Variants in CCNY observed in about 807,000 individuals in gnomAD.
The protein encoded by CCNY is cyclin-Y.
A neutral mutation model predicts 42.8 loss-of-function variants in CCNY; 19 were observed. That is an observed-to-expected ratio of 0.44 (90% CI 0.31 to 0.65). The LOEUF (loss-of-function observed/expected upper bound fraction) is 0.65, where lower values mean the gene tolerates loss of function less well. Among genes scored for constraint, CCNY ranks in the 30% least tolerant of loss-of-function variants. The pLI is 0.07. For synonymous variants in CCNY, 165 were observed against 162.7 expected (o/e 1.01, Z -0.11); for missense variants, 370 against 437.3 (o/e 0.85, Z 1.37).
chr10:35,359,465 A>T (rs1288551563), intron 1 of CCNY, among the ~76,000 whole-genome samples: 1 of 152,054 alleles, frequency 6.6e-6, no homozygotes, highest in Non-Finnish European at 1.5e-5. Flanking sequence ...ATAATATAAC[A>T]TCAAATTTAC....
chr10:35,347,166 C>T (rs1836324392), intron 1 of CCNY, among the ~76,000 whole-genome samples: 1 of 152,176 alleles, frequency 6.6e-6, no homozygotes, highest in South Asian at 2.1e-4. Context: ...GACACATTGT[C>T]CCGTACTGGG....
chr10:35,540,835 C>CT (rs1353258984), intron 7 of CCNY, among the ~76,000 whole-genome samples: 5 of 151,964 alleles, frequency 3.3e-5, no homozygotes, highest in African/African-American at 4.8e-5. Context: ...CTTTATGATT[C>CT]TTTTTATTTC....
chr10:35,503,900 A>T (rs1347842602), intron 3 of CCNY, among the ~76,000 whole-genome samples: 1 of 152,234 alleles, frequency 6.6e-6, no homozygotes. Flanking sequence ...TAGCTTGCTT[A>T]TCTGAACTTA....
intron 5 of CCNY, among the ~76,000 whole-genome samples, chr10:35,526,563 T>A (rs1564446276): frequency 1.3e-5 from 2 of 152,174 alleles, no homozygotes; most frequent in Non-Finnish European, 2.9e-5. Context: ...TGCCAGTTTT[T>A]AAAAATGCAA....
chr10:35,387,796 C>T (rs1837329928), intron 1 of CCNY, among the ~76,000 whole-genome samples: 1 of 152,182 alleles, frequency 6.6e-6, no homozygotes, highest in Admixed American at 6.5e-5. Flanking sequence ...AACTCACTGC[C>T]AAGATCCACG....
At chr10:35,535,304 A>G (rs1840862123) in intron 7 of CCNY, among the ~76,000 whole-genome samples, 2 of 151,976 alleles carry the variant, frequency 1.3e-5, no homozygotes, top group African/African-American at 4.8e-5. Context: ...TAGTCTCTAG[A>G]TGTTCCAGTA....
chr10:35,411,615 A>G (rs1837907497), intron 1 of CCNY, among the ~76,000 whole-genome samples: 1 of 151,846 alleles, frequency 6.6e-6, no homozygotes, highest in Non-Finnish European at 1.5e-5. Flanking sequence ...GGATAAAGGC[A>G]TAGGAATTTG....
intron 3 of CCNY, among the ~76,000 whole-genome samples, chr10:35,292,768 G>A (rs1283038830): frequency 2.7e-5 from 4 of 148,404 alleles, no homozygotes; most frequent in Non-Finnish European, 5.9e-5. Context: ...TCCTGTAAGA[G>A]TGCTTTGTTT....
In CCNY at chr10:35,458,584, C is replaced by T. The variant is rs762357201; in HGVS notation, c.155-24820C>T. 3.3e-5 allele frequency among the ~76,000 whole-genome samples: 5 copies of T among 152,320 alleles called. No individual in the cohort carries two copies. The East Asian group carries it at 5.8e-4, about 18-fold the overall frequency. On this transcript the variant is annotated intron_variant, in intron 1 of 9. Transcript: ENST00000374704. Reference sequence around the variant, plus strand: ...AGGATTTTGCAGTGAACAAAGGAGACGGTCCCTTTCCTCAGAAATTACATT... The same window carrying T: ...AGGATTTTGCAGTGAACAAAGGAGATGGTCCCTTTCCTCAGAAATTACATT...
intron 2 of CCNY, among the ~76,000 whole-genome samples, chr10:35,486,605 A>C (rs894586729): frequency 3.3e-5 from 5 of 152,174 alleles, no homozygotes; most frequent in African/African-American, 1.2e-4. Flanking sequence ...CGATTGTGCC[A>C]CTGGCTTCCT....
chr10:35,342,610 T>A (rs950098218), intron 1 of CCNY, among the ~76,000 whole-genome samples: 4 of 152,230 alleles, frequency 2.6e-5, no homozygotes, highest in African/African-American at 7.2e-5. Context: ...TGTAGTTTCT[T>A]GCCCAGGTCA....
chr10:35,269,826 T>G (rs1464230023), intron 3 of CCNY, among the ~76,000 whole-genome samples: 1 of 151,840 alleles, frequency 6.6e-6, no homozygotes, highest in Non-Finnish European at 1.5e-5. Context: ...GATGGGGTTT[T>G]ACCATGTTGG....
chr10:35,551,271 C>A (rs1358492655), intron 7 of CCNY, among the ~76,000 whole-genome samples: 1 of 152,182 alleles, frequency 6.6e-6, no homozygotes, highest in Non-Finnish European at 1.5e-5. Context: ...AATGAAGTAA[C>A]AAGTGTGAAT....
intron 1 of CCNY, among the ~76,000 whole-genome samples, chr10:35,385,908 A>G (rs887674593): frequency 6.6e-6 from 1 of 152,212 alleles, no homozygotes; most frequent in Admixed American, 6.5e-5. Flanking sequence ...GAGCACAAAA[A>G]CAGAATTTAC....
At chr10:35,483,379 A>G (rs760364474) in intron 1 of CCNY, 25 bp from the exon 2 acceptor site, 3 of 1,489,220 alleles carry the variant, frequency 2.0e-6, no homozygotes, top group Admixed American at 3.4e-5. Flanking sequence ...GTTTATTCAT[A>G]TAATTTATTT....
intron 1 of CCNY, among the ~76,000 whole-genome samples, chr10:35,384,961 T>A (rs1012001472): frequency 1.3e-5 from 2 of 152,202 alleles, no homozygotes; most frequent in East Asian, 3.8e-4. Flanking sequence ...ACTGATGAGT[T>A]CCTTTTGGGC....
upstream of CCNY, among the ~76,000 whole-genome samples, chr10:35,334,010 T>G (rs1331538782): frequency 7.7e-6 from 1 of 129,358 alleles, no homozygotes; most frequent in Non-Finnish European, 1.6e-5. Flanking sequence ...AAGGGGAATA[T>G]GGTGGAAATG....
intron 1 of CCNY, among the ~76,000 whole-genome samples, chr10:35,378,631 C>T (rs1589074795): frequency 1.3e-5 from 2 of 151,558 alleles, no homozygotes; most frequent in East Asian, 1.9e-4. Flanking sequence ...GAGTGTTGGG[C>T]GAGGGAGATG....
intron 1 of CCNY, among the ~76,000 whole-genome samples, chr10:35,397,008 A>G (rs1209327776): frequency 2.6e-5 from 4 of 152,190 alleles, no homozygotes; most frequent in African/African-American, 9.7e-5. Context: ...GCTGGCTCAG[A>G]GGGAGCAGGT....
Sources: gnomAD v4.1 joint callset for allele counts (sites outside exome capture counted in the v4.1 genomes callset) on GRCh38, gnomAD v4.1.1 for gene constraint, MANE v1.5 for transcripts, NCBI Gene and HGNC (gene_info 2026-07-23, HGNC 2026-07-21) for gene names.